The following MTUS2 variants were observed in gnomAD, a reference collection of about 807,000 sequenced individuals.
MTUS2 encodes microtubule associated scaffold protein 2, also known as microtubule-associated tumor suppressor candidate 2.
MTUS2 carries 40 observed loss-of-function variants against 114.1 expected under a neutral mutation model. That is an observed-to-expected ratio of 0.35 (90% CI 0.27 to 0.46). The LOEUF is 0.46. MTUS2 is among the 20% of genes least tolerant of loss of function. MTUS2 has a pLI of 1.00. For synonymous variants in MTUS2, 688 were observed against 672.0 expected, an observed-to-expected ratio of 1.02 and a Z score of -0.37; for missense variants, 1,679 against 1,705.4, an observed-to-expected ratio of 0.98 and a Z score of 0.27.
chr13:29,301,193 T>C (rs1303299857), intron 6 of MTUS2, among the ~76,000 whole-genome samples: 1 of 152,190 alleles, frequency 6.6e-6, no homozygotes, highest in Non-Finnish European at 1.5e-5. Flanking sequence ...TAGCCTTTCA[T>C]CTTTCAAATG....
intron 5 of MTUS2, among the ~76,000 whole-genome samples, chr13:29,232,300 G>A (rs61945936): frequency 6.4e-3 from 34 of 5,276 alleles, no homozygotes; most frequent in African/African-American, 0.015. Flanking sequence ...ACACACACGC[G>A]CGCGCGCACA....
At chr13:28,977,929 A>T (rs1224457376) in intron 2 of MTUS2, among the ~76,000 whole-genome samples, 1 of 152,200 alleles carries the variant, frequency 6.6e-6, no homozygotes, top group African/African-American at 2.4e-5. Context: ...GCCAGCTGTA[A>T]TACATACACT....
intron 2 of MTUS2, among the ~76,000 whole-genome samples, chr13:28,951,622 A>C (rs540022525): frequency 6.6e-6 from 1 of 152,064 alleles, no homozygotes; most frequent in Non-Finnish European, 1.5e-5. Context: ...AACATGGTAA[A>C]ACCCCATTTC....
intron 8 of MTUS2, among the ~76,000 whole-genome samples, chr13:29,401,447 T>C (rs1453519291): frequency 6.6e-6 from 1 of 152,240 alleles, no homozygotes; most frequent in Non-Finnish European, 1.5e-5. Flanking sequence ...CCAAAGATTA[T>C]GATACTCTTA....
chr13:29,494,956 C>T (rs749268969), intron 12 of MTUS2, among the ~76,000 whole-genome samples: 37 of 151,562 alleles, frequency 2.4e-4, no homozygotes, highest in South Asian at 4.2e-4. Flanking sequence ...GAGGCTGAGG[C>T]GGGCAGATCA....
intron 6 of MTUS2, among the ~76,000 whole-genome samples, chr13:29,301,526 T>C (rs1368185558): frequency 1.3e-5 from 2 of 152,246 alleles, no homozygotes; most frequent in African/African-American, 4.8e-5. Context: ...ATTAATAATC[T>C]ACAGTGTGAA....
At chr13:29,136,393 A>T (rs139201110) in intron 5 of MTUS2, among the ~76,000 whole-genome samples, 1 of 152,310 alleles carries the variant, frequency 6.6e-6, no homozygotes, top group East Asian at 1.9e-4. Flanking sequence ...CATGTTAATG[A>T]GATGACAAGT....
intron 2 of MTUS2, among the ~76,000 whole-genome samples, chr13:28,961,188 A>G (rs982187706): frequency 6.6e-6 from 1 of 152,142 alleles, no homozygotes; most frequent in Admixed American, 6.5e-5. Flanking sequence ...ATGAGGAGAA[A>G]GAGGATGGAC....
At chr13:29,471,219 T>C (rs1435769600) in intron 9 of MTUS2, among the ~76,000 whole-genome samples, 2 of 152,044 alleles carry the variant, frequency 1.3e-5, no homozygotes, top group African/African-American at 4.8e-5. Context: ...GGCGCGTGCC[T>C]GTAATCCCAG....
At chr13:29,173,317 G>A (rs1893638721) in intron 5 of MTUS2, among the ~76,000 whole-genome samples, 1 of 152,264 alleles carries the variant, frequency 6.6e-6, no homozygotes, top group Non-Finnish European at 1.5e-5. Flanking sequence ...AAAAGTGCTT[G>A]TCTGCCTGAA....
intron 5 of MTUS2, among the ~76,000 whole-genome samples, chr13:29,137,617 CTTCT>C (rs1465514951): frequency 6.6e-6 from 1 of 151,078 alleles, no homozygotes; most frequent in Admixed American, 6.6e-5. Context: ...TTCCTTCTTT[CTTCT>C]TTCTTCTTTT....
intron 2 of MTUS2, among the ~76,000 whole-genome samples, chr13:28,965,802 C>A (rs1181634678): frequency 6.6e-6 from 1 of 152,182 alleles, no homozygotes; most frequent in African/African-American, 2.4e-5. Context: ...GGACCTCAAT[C>A]TTTTTCTCTG....
At chr13:29,207,917 G>C (rs1363027244) in intron 5 of MTUS2, among the ~76,000 whole-genome samples, 1 of 152,018 alleles carries the variant, frequency 6.6e-6, no homozygotes, top group Non-Finnish European at 1.5e-5. Context: ...CCTGGTTTTA[G>C]TATTAGGGTG....
chr13:29,325,488 G>GT (rs1900453524), intron 7 of MTUS2, among the ~76,000 whole-genome samples: 2 of 73,114 alleles, frequency 2.7e-5, no homozygotes, highest in Non-Finnish European at 6.6e-5. Context: ...AGAAGAGGAA[G>GT]AGGGAGGAGG....
intron 1 of MTUS2, among the ~76,000 whole-genome samples, chr13:28,835,365 C>A (rs77894223): frequency 0.033 from 5,023 of 152,280 alleles, 224 homozygotes; most frequent in African/African-American, 0.098. Context: ...GATGGCTGAA[C>A]TTTGAAAGCA....
chr13:29,152,864 A>T (rs1593533481), intron 5 of MTUS2, among the ~76,000 whole-genome samples: 1 of 152,212 alleles, frequency 6.6e-6, no homozygotes, highest in East Asian at 1.9e-4. Flanking sequence ...TTACATAAGG[A>T]CATGTCTATC....
chr13:29,269,107 A>G (rs550168055), intron 5 of MTUS2, among the ~76,000 whole-genome samples: 1 of 152,238 alleles, frequency 6.6e-6, no homozygotes, highest in Non-Finnish European at 1.5e-5. Context: ...AGTAACTAGT[A>G]TAATAAAATT....
chr13:29,192,481 A>G (rs1266141502), intron 5 of MTUS2, among the ~76,000 whole-genome samples: 1 of 152,186 alleles, frequency 6.6e-6, no homozygotes, highest in Non-Finnish European at 1.5e-5. Context: ...AGTGTTCTGT[A>G]GCACTGAACA....
intron 8 of MTUS2, among the ~76,000 whole-genome samples, chr13:29,364,382 T>A (rs1249767649): frequency 1.3e-5 from 2 of 152,158 alleles, no homozygotes; most frequent in Non-Finnish European, 2.9e-5. Flanking sequence ...TGCATATCTT[T>A]AAGCCCTTGG....
Sources: allele counts gnomAD v4.1 joint callset (sites outside exome capture counted in the v4.1 genomes callset), GRCh38; gene constraint gnomAD v4.1.1; transcripts MANE v1.5; gene names NCBI Gene and HGNC (gene_info 2026-07-23, HGNC 2026-07-21).